WDR20: variants seen among roughly 807,000 people sequenced by gnomAD.
WDR20 encodes WD repeat domain 20.
In WDR20, 3 loss-of-function variants were observed where a neutral mutation model predicts 38.7. The observed-to-expected ratio is 0.08, with a 90% CI of 0.04 to 0.20. The LOEUF is 0.20. WDR20 is among the 10% of genes least tolerant of loss of function. The pLI is 1.00. For synonymous variants in WDR20, 298 were observed against 285.6 expected (o/e 1.04, Z -0.44); for missense variants, 559 against 727.7 (o/e 0.77, Z 2.67).
chr14:102,214,182 G>A (rs766728649), downstream of WDR20: 59 of 985,534 alleles, frequency 6.0e-5, no homozygotes, highest in Middle Eastern at 1.0e-3. Context: ...CGCCTCCTCC[G>A]GTCTGGTCTG....
chr14:102,148,692 TG>T (rs2054594395), intron 1 of WDR20, among the ~76,000 whole-genome samples: 2 of 151,282 alleles, frequency 1.3e-5, no homozygotes, highest in South Asian at 2.1e-4. Context: ...TGTGTGTGTG[TG>T]TGTGTGTGTG....
intron 1 of WDR20, among the ~76,000 whole-genome samples, chr14:102,190,738 C>T (rs28375430): frequency 0.034 from 5,143 of 152,110 alleles, 239 homozygotes; most frequent in African/African-American, 0.1. Context: ...TGGTGGCTCA[C>T]GCCTGTAATC....
Position 102,209,142 on chromosome 14 carries a change from T to C in WDR20, c.972T>C (p.Pro324=). The C allele has an allele frequency of 6.2e-7, 1 of 1,613,978 alleles. No individual in the cohort carries two copies. The highest frequency in any genetic ancestry group is 8.5e-7 in the Non-Finnish European group (1 of 1,179,980). Residue 324 remains proline (P), a synonymous_variant, in exon 3 of 3, where the codon CCT becomes CCC. Coordinates refer to ENST00000342702, the MANE Select transcript of WDR20 (RefSeq NM_144574.4). The surrounding 1 kb of genome is among the most constrained non-coding windows in gnomAD (Gnocchi z 6.0). ...CCACTAGTGTAGAAGAAGGTGACCC[T>C]ATGGAGTTTAGTGGCAGCGATGAGG... ...PYTTSVEEGD[P]MEFSGSDEDF... is the part of the protein sequence containing the mutation.
At chr14:102,200,172 C>T (rs568178695) in intron 2 of WDR20, among the ~76,000 whole-genome samples, 1 of 152,354 alleles carries the variant, frequency 6.6e-6, no homozygotes, top group African/African-American at 2.4e-5. Flanking sequence ...CCAGTCCTTT[C>T]TAGCCCCTCT....
rs1037660924 is a variant in WDR20, at chr14:102,176,272, G to A, written c.250-18666G>A. 4.6e-5 allele frequency among the ~76,000 whole-genome samples: 7 copies of A among 152,034 alleles called. No homozygotes were observed. The East Asian group carries it at 5.9e-4, about 13-fold the overall frequency. On this transcript the variant is annotated intron_variant, in intron 1 of 2. Coordinates refer to ENST00000342702, the MANE Select transcript of WDR20 (RefSeq NM_144574.4). ...TAGCCGGGCGTGGTGGCATGCACCT[G>A]TAGTCCCAGCTACCTGGGAGGCTGA...
At chr14:102,139,689 G>C, upstream of WDR20, 1 of 676,058 alleles carries the variant, frequency 1.5e-6, no homozygotes. Flanking sequence ...CCACACCCGG[G>C]GGAGGAGCCT....
In WDR20 at chr14:102,208,787, G is replaced by C. The variant is rs763311852; in HGVS notation, c.617G>C (p.Ser206Thr). ...AGCTTTGCCGTGCACACTTGCAAGA[G>C]CAAATCCACGAGGAACCCTCTCCTT... ...GESFAVHTCK[S>T]KSTRNPLLKW... Residue 206 changes from serine (S) to threonine (T), a missense_variant, in exon 3 of 3, where the codon AGC (serine) becomes ACC (threonine). Transcript: ENST00000342702. This position sits in a 1 kb window ranked among gnomAD's most constrained non-coding sequence, Gnocchi z 5.6. 3.7e-6 allele frequency: 6 copies of C among 1,614,226 alleles called. No individual in the cohort carries two copies. The South Asian group carries it at 6.6e-5, about 18-fold the overall frequency.
chr14:102,179,427 TA>T (rs1276897409), intron 1 of WDR20, among the ~76,000 whole-genome samples: 1 of 114,868 alleles, frequency 8.7e-6, no homozygotes, highest in Non-Finnish European at 1.8e-5. Context: ...TTTTTTAAAG[TA>T]TTTTTTTTTT....
At chr14:102,140,255 C>A (rs1384360313) in intron 1 of WDR20, 83 bp downstream of exon 1, 1 of 1,566,688 alleles carries the variant, frequency 6.4e-7, no homozygotes, top group African/African-American at 1.4e-5. Flanking sequence ...GCCAGGGTGA[C>A]CGAGAGGGGT....
chr14:102,219,062 C>A (rs546976539), downstream of WDR20, among the ~76,000 whole-genome samples: 1 of 152,324 alleles, frequency 6.6e-6, no homozygotes, highest in East Asian at 1.9e-4. Context: ...GAGTTTGACA[C>A]GGATGACCAT....
chr14:102,191,569 G>A (rs2066441596), intron 1 of WDR20, among the ~76,000 whole-genome samples: 1 of 152,166 alleles, frequency 6.6e-6, no homozygotes, highest in African/African-American at 2.4e-5. Context: ...TATCTGGGGT[G>A]GGGCTCCAAA....
intron 1 of WDR20, among the ~76,000 whole-genome samples, chr14:102,189,550 C>T (rs1275955160): frequency 6.6e-6 from 1 of 152,122 alleles, no homozygotes; most frequent in African/African-American, 2.4e-5. Context: ...GGCTGAAGAC[C>T]AAATACCCGA....
chr14:102,213,924 C>T, downstream of WDR20: 1 of 985,436 alleles, frequency 1.0e-6, no homozygotes, highest in Non-Finnish European at 1.2e-6. Flanking sequence ...GAACTAGAAG[C>T]AGTTCACCAG....
At chr14:102,144,792 C>T (rs1040297959) in intron 1 of WDR20, among the ~76,000 whole-genome samples, 11 of 151,948 alleles carry the variant, frequency 7.2e-5, no homozygotes, top group South Asian at 2.1e-4. Context: ...CAACCTCTGC[C>T]GCCCGGGCCC....
Position 102,222,866 on chromosome 14 carries a change from G to A in WDR20, c.1729G>A (p.Gly577Ser). The stretch of plus-strand genomic sequence containing the variant: ...ATCCCCAAGCCAGGCCAGTTCTCCA[G>A]GTGGAACTGTAGTGTAGCGACCTCA... The change falls in exon 4 of 4, where the codon GGT becomes AGT. Residue 577 changes from glycine to serine, a missense_variant. Physicochemically the swap from Gly to Ser is moderately conservative, Grantham distance 56 (BLOSUM62 0). Coordinates refer to the WDR20 transcript ENST00000335263. This position sits in a 1 kb window ranked among gnomAD's most constrained non-coding sequence, Gnocchi z 4.4. 1.9e-6 allele frequency: 3 copies of A among 1,614,214 alleles called. No homozygotes were observed. The highest frequency in any genetic ancestry group is 2.5e-6 in the Non-Finnish European group (3 of 1,180,022).
At chr14:102,192,270 C>T (rs2058641112) in intron 1 of WDR20, among the ~76,000 whole-genome samples, 1 of 151,814 alleles carries the variant, frequency 6.6e-6, no homozygotes, top group Admixed American at 6.6e-5. Flanking sequence ...AGCTCCGCCT[C>T]CCAGGTTCAA....
chr14:102,210,600 TG>T, downstream of WDR20: 1 of 965,168 alleles, frequency 1.0e-6, no homozygotes, highest in Non-Finnish European at 1.2e-6. Context: ...TGACAGTTCG[TG>T]GGAACTGCGG....
chr14:102,224,711 AC>A, downstream of WDR20: 1 of 456,068 alleles, frequency 2.2e-6, no homozygotes, highest in Non-Finnish European at 4.4e-6. Flanking sequence ...GACATTAGTT[AC>A]AGCTTGAGTT....
At chr14:102,170,892 A>G (rs900433093) in intron 1 of WDR20, among the ~76,000 whole-genome samples, 1 of 152,070 alleles carries the variant, frequency 6.6e-6, no homozygotes, top group African/African-American at 2.4e-5. Context: ...TTTTTCCTAC[A>G]TAGAAATTTG....
Sources: allele counts gnomAD v4.1 joint callset (sites outside exome capture counted in the v4.1 genomes callset), GRCh38; gene constraint gnomAD v4.1.1; non-coding constraint Gnocchi (gnomAD v3.1); transcripts MANE v1.5; gene names NCBI Gene and HGNC (gene_info 2026-07-23, HGNC 2026-07-21).